SULT1E1: variants seen among roughly 807,000 people sequenced by gnomAD.
SULT1E1 encodes sulfotransferase 1E1.
In SULT1E1, 36 loss-of-function variants were observed where a neutral mutation model predicts 33.6. That is an observed-to-expected ratio of 1.07 (90% CI 0.82 to 1.41). SULT1E1 has a LOEUF of 1.41. Among genes scored for constraint, SULT1E1 ranks in the 40% most tolerant of loss-of-function variants. The pLI is 0.00. For missense variants in SULT1E1, 371 were observed against 345.7 expected, an observed-to-expected ratio of 1.07 and a Z score of -0.58; for synonymous variants, 121 against 111.7, an observed-to-expected ratio of 1.08 and a Z score of -0.53.
downstream of SULT1E1, among the ~76,000 whole-genome samples, chr4:69,840,714 G>A (rs563609007): frequency 2.0e-4 from 30 of 152,270 alleles, no homozygotes; most frequent in South Asian, 8.3e-4. Context: ...ATTGGAGTTA[G>A]ACTAAGGTAA....
the SULT1E1 span, among the ~76,000 whole-genome samples, chr4:69,834,104 A>G: frequency 1.2e-4 from 18 of 151,982 alleles, no homozygotes; most frequent in Middle Eastern, 3.2e-3. Flanking sequence ...CATTCCCTAC[A>G]TATTGGTAAT....
chr4:69,839,962 A>C (rs953340007), downstream of SULT1E1, among the ~76,000 whole-genome samples: 2 of 152,242 alleles, frequency 1.3e-5, no homozygotes, highest in African/African-American at 2.4e-5. Context: ...TAGGTTTATT[A>C]TTGCTTACTT....
Position 69,857,481 on chromosome 4 carries a change from GAAC to G in SULT1E1, c.145+16_145+18del, listed in dbSNP as rs1418050200. Reference sequence around the variant, plus strand: ...TGTTTGTTATTTTTAGGTGAAAAAAGAACAACAAAGAGATTTACCAGATTTAGG... The same window carrying G: ...TGTTTGTTATTTTTAGGTGAAAAAAGAACAAAGAGATTTACCAGATTTAGG... On this transcript the variant is annotated intron_variant, in intron 2 of 7. Coordinates refer to ENST00000226444, the MANE Select transcript of SULT1E1 (RefSeq NM_005420.3). 12 of 1,581,502 alleles carry G rather than the reference GAAC, an allele frequency of 7.6e-6. No homozygotes were observed. Among genetic ancestry groups the G allele is most frequent in the South Asian group, 4.7e-5 (4 of 84,948 alleles).
chr4:69,842,642 G>A (rs1381059923), intron 7 of SULT1E1, among the ~76,000 whole-genome samples: 2 of 152,136 alleles, frequency 1.3e-5, no homozygotes, highest in Admixed American at 6.5e-5. Context: ...AAGCTTGGAC[G>A]TTATTCTCTT....
intron 4 of SULT1E1, among the ~76,000 whole-genome samples, chr4:69,850,756 C>G (rs1578104692): frequency 6.6e-6 from 1 of 152,140 alleles, no homozygotes; most frequent in East Asian, 1.9e-4. Flanking sequence ...AAAATGCTAT[C>G]TGTATTTTAT....
the SULT1E1 span, among the ~76,000 whole-genome samples, chr4:69,828,328 C>A: frequency 6.6e-6 from 1 of 152,182 alleles, no homozygotes; most frequent in East Asian, 1.9e-4. Flanking sequence ...GTCCTCACTA[C>A]CTTTAAGAGC....
chr4:69,857,474 G>GA, intron 2 of SULT1E1, 26 bp downstream of exon 2: 7 of 1,579,496 alleles, frequency 4.4e-6, no homozygotes, highest in South Asian at 1.2e-5. Flanking sequence ...ATTTTTAGGT[G>GA]AAAAAAGAAC....
chr4:69,847,054 A>G (rs1192296316), intron 6 of SULT1E1, among the ~76,000 whole-genome samples: 1 of 151,722 alleles, frequency 6.6e-6, no homozygotes, highest in African/African-American at 2.4e-5. Context: ...ATTACTTTTC[A>G]TCAAATAGCC....
the SULT1E1 span, among the ~76,000 whole-genome samples, chr4:69,821,602 T>C: frequency 2.7e-3 from 407 of 152,312 alleles, 3 homozygotes; most frequent in African/African-American, 9.2e-3. Flanking sequence ...GGCCATCATA[T>C]CTAGATCATT....
chr4:69,858,945 C>A (rs1156570783), intron 1 of SULT1E1, among the ~76,000 whole-genome samples: 1 of 152,100 alleles, frequency 6.6e-6, no homozygotes, highest in Non-Finnish European at 1.5e-5. Context: ...GGTTGGCTGA[C>A]TTCCAGCTAC....
chr4:69,841,944 A>T lies in SULT1E1; in HGVS notation c.*50T>A. Reference sequence around the variant, plus strand: ...TCTAAAATAAGAAAAAGTGGAGAATAATGAAAAGAAATCTTTAATATCAGA... The same window carrying T: ...TCTAAAATAAGAAAAAGTGGAGAATTATGAAAAGAAATCTTTAATATCAGA... On this transcript the variant is annotated 3_prime_UTR_variant, in exon 8 of 8. Transcript: ENST00000226444. 1 of 981,050 alleles carries T rather than the reference A, an allele frequency of 1.0e-6. No individual in the cohort carries two copies. The allele number at this position is 981,050 out of a possible 1,614,324, so 60.8% of individuals were successfully genotyped here.
At chr4:69,829,398 T>A in the SULT1E1 span, among the ~76,000 whole-genome samples, 1 of 152,176 alleles carries the variant, frequency 6.6e-6, no homozygotes, top group Non-Finnish European at 1.5e-5. Flanking sequence ...TGGTTTTAAG[T>A]CCACTACAAT....
rs748018739 is a variant in SULT1E1, at chr4:69,844,606, A to G, written c.592-265T>C. 3.9e-5 allele frequency among the ~76,000 whole-genome samples: 6 copies of G among 152,154 alleles called. No homozygotes were observed. The East Asian group carries it at 7.7e-4, about 20-fold the overall frequency. ...ATGCTTATTGTAGTCCTTGATGCAT[A>G]ATCACACTTAATAGATGTTGTCTAT... On this transcript the variant is annotated intron_variant, in intron 6 of 7. Coordinates refer to ENST00000226444, the MANE Select transcript of SULT1E1 (RefSeq NM_005420.3).
chr4:69,845,168 G>T (rs1418412571), intron 6 of SULT1E1, among the ~76,000 whole-genome samples: 2 of 151,958 alleles, frequency 1.3e-5, no homozygotes, highest in African/African-American at 4.8e-5. Context: ...CAAAAGAGAA[G>T]TGGGGATAGT....
chr4:69,829,196 T>C, the SULT1E1 span, among the ~76,000 whole-genome samples: 1 of 152,228 alleles, frequency 6.6e-6, no homozygotes, highest in African/African-American at 2.4e-5. Context: ...TAGCTTGGTT[T>C]ACCGCATGCA....
chr4:69,854,242 G>A lies in SULT1E1; in HGVS notation c.344C>T (p.Ala115Val). The A allele has an allele frequency of 1.2e-6, 2 of 1,611,950 alleles. No homozygotes were observed. Among genetic ancestry groups the A allele is most frequent in the Non-Finnish European group, 1.7e-6 (2 of 1,178,674 alleles). Residue 115 changes from alanine to valine, a missense_variant, in exon 4 of 8, where the codon GCC becomes GTC. Transcript: ENST00000226444. ...KTHLPPELLP[A>V]SFWEKDCKII... ...CTTACAATCCTTTTCCCAAAATGAG[G>A]CAGGAAGAAGTTCAGGTGGCAAATG...
chr4:69,827,182 C>T, the SULT1E1 span, among the ~76,000 whole-genome samples: 1 of 152,184 alleles, frequency 6.6e-6, no homozygotes, highest in Non-Finnish European at 1.5e-5. Flanking sequence ...CCTTCTATCT[C>T]ACTTGGAGAG....
At chr4:69,852,693 T>C (rs1721151609) in intron 4 of SULT1E1, among the ~76,000 whole-genome samples, 1 of 152,240 alleles carries the variant, frequency 6.6e-6, no homozygotes, top group Non-Finnish European at 1.5e-5. Flanking sequence ...TCTATTTGTT[T>C]TATTTTGTTG....
intron 6 of SULT1E1, among the ~76,000 whole-genome samples, chr4:69,846,448 G>T: frequency 6.6e-6 from 1 of 151,084 alleles, no homozygotes; most frequent in Middle Eastern, 3.4e-3. Context: ...TGTATATTTA[G>T]TGTACTTCCT....
Sources: allele counts gnomAD v4.1 joint callset (sites outside exome capture counted in the v4.1 genomes callset), GRCh38; gene constraint gnomAD v4.1.1; transcripts MANE v1.5; gene names NCBI Gene and HGNC (gene_info 2026-07-23, HGNC 2026-07-21).